TMEM232: variants seen among roughly 807,000 people sequenced by gnomAD.
The protein encoded by TMEM232 is transmembrane protein 232.
Under a neutral mutation model 78.8 loss-of-function variants are expected in TMEM232, and 80 were observed. That is an observed-to-expected ratio of 1.01 (90% CI 0.85 to 1.22). TMEM232 has a LOEUF of 1.22. TMEM232 is among the 50% of genes most tolerant of loss of function. The pLI is 0.00. For missense variants in TMEM232, 881 were observed against 742.2 expected (o/e 1.19, Z -2.17); for synonymous variants, 297 against 254.3 (o/e 1.17, Z -1.60).
At chr5:110,422,548 A>AAAT (rs1756777412) in intron 13 of TMEM232, among the ~76,000 whole-genome samples, 2 of 144,926 alleles carry the variant, frequency 1.4e-5, no homozygotes, top group African/African-American at 2.7e-5. Context: ...AAAAAAAAAA[A>AAAT]TTGTGAAAAA....
intron 1 of TMEM232, among the ~76,000 whole-genome samples, chr5:110,719,049 A>G (rs1797308041): frequency 6.6e-6 from 1 of 152,078 alleles, no homozygotes; most frequent in African/African-American, 2.4e-5. Context: ...ACAAACCTGG[A>G]TAGTAGCACC....
At chr5:110,415,128 C>T (rs12652202), downstream of TMEM232, among the ~76,000 whole-genome samples, 22 of 152,246 alleles carry the variant, frequency 1.4e-4, no homozygotes, top group East Asian at 3.7e-3. Flanking sequence ...CTAGCCCACA[C>T]CCCTTCTCCT....
chr5:110,695,348 C>G (rs1794641685), intron 1 of TMEM232, among the ~76,000 whole-genome samples: 2 of 152,160 alleles, frequency 1.3e-5, no homozygotes, highest in Non-Finnish European at 2.9e-5. Flanking sequence ...CAAGAGAAAG[C>G]AGGAAAGATC....
chr5:110,466,733 C>T (rs1295373451), intron 12 of TMEM232, among the ~76,000 whole-genome samples: 3 of 151,894 alleles, frequency 2.0e-5, no homozygotes, highest in African/African-American at 7.3e-5. Context: ...CTGCCTCAGC[C>T]TCCCGAGTAG....
chr5:110,629,066 CTG>C (rs1784792494), intron 5 of TMEM232: 1 of 151,926 alleles, frequency 6.6e-6, no homozygotes, highest in South Asian at 2.1e-4. Flanking sequence ...TGTTGTAGTA[CTG>C]TGTTTCTCTA....
intron 10 of TMEM232, among the ~76,000 whole-genome samples, chr5:110,576,688 C>T (rs1777609544): frequency 1.3e-5 from 2 of 152,034 alleles, no homozygotes; most frequent in African/African-American, 4.8e-5. Context: ...AAAACAGATA[C>T]ATAGACCAAT....
At chr5:110,438,126 C>A (rs1758632446) in intron 12 of TMEM232, among the ~76,000 whole-genome samples, 1 of 152,060 alleles carries the variant, frequency 6.6e-6, no homozygotes, top group Non-Finnish European at 1.5e-5. Flanking sequence ...CTTGATCTCA[C>A]CTCAGTGTGC....
chr5:110,427,793 T>C (rs1398695352), intron 12 of TMEM232, among the ~76,000 whole-genome samples: 1 of 151,958 alleles, frequency 6.6e-6, no homozygotes, highest in Non-Finnish European at 1.5e-5. Flanking sequence ...TTTCCTTCTG[T>C]GACTCTGGGT....
At chr5:110,736,156 G>A (rs551619231) in intron 1 of TMEM232, among the ~76,000 whole-genome samples, 1 of 152,218 alleles carries the variant, frequency 6.6e-6, no homozygotes, top group East Asian at 1.9e-4. Context: ...CCTGTGTTAT[G>A]AGTTTCTCAA....
intron 2 of TMEM232, among the ~76,000 whole-genome samples, chr5:110,414,262 G>A (rs994894911): frequency 6.6e-5 from 10 of 152,046 alleles, no homozygotes; most frequent in African/African-American, 2.2e-4. Flanking sequence ...ACACATACAA[G>A]TGCATTATTT....
chr5:110,516,163 T>C (rs973998318), intron 12 of TMEM232, among the ~76,000 whole-genome samples: 4 of 151,964 alleles, frequency 2.6e-5, no homozygotes, highest in South Asian at 2.1e-4. Flanking sequence ...GGCGTGAACC[T>C]GGGAGGCGGA....
At chr5:110,488,571 AT>A (rs1015248292) in intron 12 of TMEM232, among the ~76,000 whole-genome samples, 1 of 152,056 alleles carries the variant, frequency 6.6e-6, no homozygotes, top group Admixed American at 6.6e-5. Context: ...TAGTGTTTTT[AT>A]TTGCTAACCC....
At chr5:110,716,244 CACCAGAG>C (rs1797001446) in intron 1 of TMEM232, among the ~76,000 whole-genome samples, 1 of 152,108 alleles carries the variant, frequency 6.6e-6, no homozygotes, top group Admixed American at 6.6e-5. Context: ...ATCTTTTTGG[CACCAGAG>C]ACCAGTTTGG....
At chr5:110,463,898 T>G (rs1338875748) in intron 12 of TMEM232, among the ~76,000 whole-genome samples, 5 of 152,234 alleles carry the variant, frequency 3.3e-5, no homozygotes, top group African/African-American at 1.2e-4. Flanking sequence ...GCCTTATTTC[T>G]ACCCCTTACA....
At chr5:110,657,381 C>CTGAG (rs1554070757) in intron 2 of TMEM232, among the ~76,000 whole-genome samples, 1 of 75,426 alleles carries the variant, frequency 1.3e-5, no homozygotes, top group African/African-American at 4.1e-5. Flanking sequence ...GGATATCTAT[C>CTGAG]TGAGTGTGTG....
chr5:110,644,386 T>G (rs1036649264), intron 2 of TMEM232, among the ~76,000 whole-genome samples: 1 of 151,924 alleles, frequency 6.6e-6, no homozygotes, highest in African/African-American at 2.4e-5. Context: ...GAATTATGTT[T>G]TTAAAAATAT....
chr5:110,696,723 C>T (rs932321125), intron 1 of TMEM232, among the ~76,000 whole-genome samples: 5 of 152,042 alleles, frequency 3.3e-5, no homozygotes, highest in African/African-American at 1.2e-4. Context: ...AATAAAATAC[C>T]TAGGAATCCA....
chr5:110,711,735 C>G (rs1351276877), intron 1 of TMEM232, among the ~76,000 whole-genome samples: 2 of 152,008 alleles, frequency 1.3e-5, no homozygotes, highest in Non-Finnish European at 2.9e-5. Context: ...TATCCATAAG[C>G]AAAAGAATGA....
intron 10 of TMEM232, among the ~76,000 whole-genome samples, chr5:110,596,216 T>A (rs1780144112): frequency 6.6e-6 from 1 of 152,028 alleles, no homozygotes; most frequent in African/African-American, 2.4e-5. Flanking sequence ...CAAACTAACA[T>A]CAGAGAATAC....
Sources: gnomAD v4.1 joint callset for allele counts (sites outside exome capture counted in the v4.1 genomes callset) on GRCh38, gnomAD v4.1.1 for gene constraint, MANE v1.5 for transcripts, NCBI Gene and HGNC (gene_info 2026-07-23, HGNC 2026-07-21) for gene names.